Variants in PARP2 observed in about 807,000 individuals in gnomAD.
PARP2 encodes the protein poly(ADP-ribose) polymerase 2.
PARP2 carries 57 observed loss-of-function variants against 77.8 expected under a neutral mutation model. The ratio of observed to expected loss-of-function variants is 0.73; its 90% confidence interval spans 0.59 to 0.91. The LOEUF (loss-of-function observed/expected upper bound fraction) is 0.91, where lower values mean the gene tolerates loss of function less well. Among genes scored for constraint, PARP2 ranks in the 40% least tolerant of loss-of-function variants. The pLI is 0.00. For synonymous variants in PARP2, 226 were observed against 242.6 expected (o/e 0.93, Z 0.64); for missense variants, 651 against 689.0 (o/e 0.94, Z 0.62).
At chr14:20,343,726 G>C in intron 1 of PARP2, 39 bp downstream of exon 1, 1 of 1,600,304 alleles carries the variant, frequency 6.2e-7, no homozygotes, top group African/African-American at 1.3e-5. Context: ...TGCGGGGGGC[G>C]GGCAGTCAGA....
In PARP2 at chr14:20,345,075, G is replaced by A. The variant is rs758579659; in HGVS notation, c.190G>A (p.Asp64Asn). Residue 64 changes from aspartate (D) to asparagine (N), a missense_variant, in exon 2 of 16, where the codon GAC (aspartate) becomes AAC (asparagine). Physicochemically the swap from Asp to Asn is conservative, Grantham distance 23. Transcript: ENST00000429687. ...AAAAGCTAATAAGGACAGGACAGAA[G>A]ACAAGCAAGATGGTATGCCAGGAAG... is the stretch of plus-strand genomic sequence containing the variant. ...GGKANKDRTEDKQDESVKALL... is the reference protein window; with the variant it reads ...GGKANKDRTENKQDESVKALL... The A allele has an allele frequency of 1.2e-6, 2 of 1,614,164 alleles. No individual in the cohort carries two copies. The highest frequency in any genetic ancestry group is 1.7e-5 in the Admixed American group (1 of 60,022).
Position 20,356,591 on chromosome 14 carries a change from A to T in PARP2, c.1231A>T (p.Met411Leu), listed in dbSNP as rs1191202571. The part of the protein sequence containing the change: ...EAFREDLHNR[M>L]LLWHGSRMSN... ...ACAATAATATTGGCTTTTCCTTAGG[A>T]TGCTTCTATGGCATGGTTCCAGGAT... Residue 411 changes from methionine (M) to leucine (L), a missense_variant and splice_region_variant, in exon 13 of 16, where the codon ATG (methionine) becomes TTG (leucine). Physicochemically the swap from Met to Leu is conservative, Grantham distance 15 (BLOSUM62 2). Coordinates refer to ENST00000429687, the MANE Select transcript of PARP2 (RefSeq NM_001042618.2). 1 of 1,613,578 alleles carries T rather than the reference A, an allele frequency of 6.2e-7. No homozygotes were observed. The highest frequency in any genetic ancestry group is 8.5e-7 in the Non-Finnish European group (1 of 1,179,660).
chr14:20,355,464 C>T (rs1304386036), intron 9 of PARP2: 8 of 238,842 alleles, frequency 3.3e-5, no homozygotes, highest in Non-Finnish European at 6.4e-5. Context: ...CAACTGTTCC[C>T]TGTTGATATC....
At position 20,357,750 on chromosome 14, in the gene PARP2, A is replaced by G. The variant is rs749078070; in HGVS notation, c.1666A>G (p.Met556Val). ...TGTATATAACCCCAACCAGGTCCGT[A>G]TGCGGTACCTTTTAAAGGTTCAGTT... ...YIVYNPNQVR[M>V]RYLLKVQFNF... The change falls in exon 16 of 16, where the codon ATG becomes GTG. Residue 556 changes from methionine (M) to valine (V), a missense_variant. Met to Val is a conservative substitution (Grantham distance 21). Coordinates refer to ENST00000429687, the MANE Select transcript of PARP2 (RefSeq NM_001042618.2). The G allele has an allele frequency of 1.2e-6, 2 of 1,613,842 alleles. No homozygotes were observed. The highest frequency in any genetic ancestry group is 1.6e-4 in the Middle Eastern group (1 of 6,062).
At position 20,352,342 on chromosome 14, in the gene PARP2, A is replaced by C. The variant is rs1165477744; in HGVS notation, c.595A>C (p.Thr199Pro). Residue 199 changes from threonine to proline, a missense_variant, in exon 7 of 16, where the codon ACT becomes CCT. Transcript: ENST00000429687. ...DMLQMDYATN[T>P]QDEEETKKEE... ...GCTACAGATGGACTATGCCACCAAT[A>C]CTCAGGTAACTCTCACTATACTTTT... is the stretch of plus-strand genomic sequence containing the variant. The C allele has an allele frequency of 6.5e-7, 1 of 1,545,650 alleles. No homozygotes were observed. Among genetic ancestry groups the C allele is most frequent in the African/African-American group, 1.4e-5 (1 of 73,412 alleles).
chr14:20,356,838 CTCTT>C (rs1162648998), intron 13 of PARP2, 149 bp downstream of exon 13: 2 of 715,164 alleles, frequency 2.8e-6, no homozygotes, highest in African/African-American at 3.6e-5. Context: ...TACTGTGTCC[CTCTT>C]TCTTTAAATT....
In PARP2 at chr14:20,345,108, GC is replaced by G. The variant is rs767594998; in HGVS notation, c.202+23del. The G allele has an allele frequency of 9.9e-6, 16 of 1,613,554 alleles. No homozygotes were observed. The African/African-American group carries it at 2.1e-4, about 22-fold the overall frequency. ...AGATGGTATGCCAGGAAGGTCATGG[GC>G]CAGCAAAAGGGTCTCTGGTAGGAGT... On this transcript the variant is annotated intron_variant, in intron 2 of 15. Transcript: ENST00000429687.
chr14:20,348,894 C>A (rs1390786694), intron 4 of PARP2, among the ~76,000 whole-genome samples: 1 of 152,070 alleles, frequency 6.6e-6, no homozygotes, highest in Non-Finnish European at 1.5e-5. Flanking sequence ...TGGCATATGA[C>A]TGTAATCCCA....
intron 13 of PARP2, 47 bp downstream of exon 13, chr14:20,356,736 G>C (rs1225615548): frequency 7.2e-7 from 1 of 1,392,936 alleles, no homozygotes; most frequent in Non-Finnish European, 1.0e-6. Flanking sequence ...AAGGGATACA[G>C]TAATGTTCTC....
chr14:20,356,934 A>G lies in PARP2; in HGVS notation c.1330-117A>G. 6.6e-6 allele frequency: 5 copies of G among 756,254 alleles called. No homozygotes were observed. In the South Asian group the frequency reaches 7.7e-5, roughly 12 times the overall value. 46.8% of individuals were successfully genotyped at this position (756,254 alleles called of 1,614,324 possible). A position where few individuals can be genotyped will look rare whatever the true frequency, so the allele number is the denominator to read the frequency against. On this transcript the variant is annotated intron_variant, in intron 13 of 15. Coordinates refer to ENST00000429687, the MANE Select transcript of PARP2 (RefSeq NM_001042618.2). The stretch of plus-strand genomic sequence containing the variant: ...TCTCTAGAACAGAATTGTGAGGGGA[A>G]ATGGAGAAGGGTCTATATTGTGTTT...
Position 20,356,453 on chromosome 14 carries a change from G to C in PARP2, c.1229+19G>C. 6.2e-7 allele frequency: 1 copy of C among 1,614,100 alleles called. No individual in the cohort carries two copies. The highest frequency in any genetic ancestry group is 8.5e-7 in the Non-Finnish European group (1 of 1,179,946). The stretch of plus-strand genomic sequence containing the variant: ...ATAACAGGTCTGAGTCTAGCTTTGC[G>C]TTTGGAAAGACACTCCTTGCCCGAA... On this transcript the variant is annotated intron_variant, in intron 12 of 15. Coordinates refer to ENST00000429687, the MANE Select transcript of PARP2 (RefSeq NM_001042618.2).
rs954409230 is a variant in PARP2, at chr14:20,356,674, C to A, written c.1314C>A (p.Pro438=). The change falls in exon 13 of 16, where the codon CCC becomes CCA. Residue 438 remains proline, a synonymous_variant. Coordinates refer to ENST00000429687, the MANE Select transcript of PARP2 (RefSeq NM_001042618.2). ...TTCGAATTGCCCCACCTGAAGCTCC[C>A]ATCACAGGTTACATGGTGAGTGAAA... ...HGLRIAPPEA[P]ITGYMFGKGI... is the part of the protein sequence containing the mutation. 6.8e-6 allele frequency: 11 copies of A among 1,612,306 alleles called. No individual in the cohort carries two copies. The African/African-American group carries it at 1.3e-4, about 20-fold the overall frequency.
chr14:20,356,503 G>C (rs1884157951), intron 12 of PARP2, 69 bp downstream of exon 12: 1 of 1,607,676 alleles, frequency 6.2e-7, no homozygotes, highest in Non-Finnish European at 8.5e-7. Context: ...ACTTATAAGA[G>C]GGAGTCAGAG....
At chr14:20,354,564 G>A (rs1884072811) in intron 8 of PARP2, 2 of 545,218 alleles carry the variant, frequency 3.7e-6, no homozygotes, top group Non-Finnish European at 6.4e-6. Context: ...AGGCATGGTG[G>A]TGTGTGCCTG....
chr14:20,354,398 A>G (rs1178592641), intron 8 of PARP2, 151 bp downstream of exon 8: 3 of 692,744 alleles, frequency 4.3e-6, no homozygotes, highest in Non-Finnish European at 7.2e-6. Flanking sequence ...GGGAAGAGGA[A>G]CTATTTTGAA....
intron 6 of PARP2, 113 bp from the exon 7 acceptor site, chr14:20,352,132 T>G: frequency 1.7e-6 from 1 of 579,478 alleles, no homozygotes; most frequent in Non-Finnish European, 3.1e-6. Context: ...AAAGTTGATG[T>G]GTAAAGGAGC....
intron 4 of PARP2, among the ~76,000 whole-genome samples, chr14:20,347,846 A>G (rs1234479949): frequency 6.7e-6 from 1 of 150,214 alleles, no homozygotes; most frequent in East Asian, 2.0e-4. Flanking sequence ...GAAATTGTTA[A>G]CTCTCTGTTC....
chr14:20,346,321 CTTT>C (rs71108595), intron 3 of PARP2, among the ~76,000 whole-genome samples: 38 of 90,838 alleles, frequency 4.2e-4, no homozygotes, highest in South Asian at 8.7e-4. Context: ...CAGTTAGAAT[CTTT>C]TTTTTTTTTT....
Position 20,345,041 on chromosome 14 carries a change from G to A in PARP2, c.156G>A (p.Val52=), listed in dbSNP as rs1490324847. The A allele has an allele frequency of 6.2e-7, 1 of 1,613,874 alleles. No homozygotes were observed. The highest frequency in any genetic ancestry group is 8.5e-7 in the Non-Finnish European group (1 of 1,179,908). ...CQRQESKKMP[V]AGGKANKDRT... is the part of the protein sequence containing the mutation. ...GACAGGAGTCGAAAAAGATGCCTGT[G>A]GCTGGAGGAAAAGCTAATAAGGACA... Residue 52 remains valine, a synonymous_variant, in exon 2 of 16, where the codon GTG becomes GTA. Coordinates refer to ENST00000429687, the MANE Select transcript of PARP2 (RefSeq NM_001042618.2).
Sources: allele counts gnomAD v4.1 joint callset (sites outside exome capture counted in the v4.1 genomes callset), GRCh38; gene constraint gnomAD v4.1.1; transcripts MANE v1.5; gene names NCBI Gene and HGNC (gene_info 2026-07-23, HGNC 2026-07-21).